RYR2: variants seen among roughly 807,000 people sequenced by gnomAD.
RYR2 encodes cardiac muscle ryanodine receptor-calcium release channel.
In RYR2, 227 loss-of-function variants were observed where a neutral mutation model predicts 601.1. That is an observed-to-expected ratio of 0.38 (90% CI 0.34 to 0.42). The LOEUF is 0.42. RYR2 is among the 10% of genes least tolerant of loss of function. The pLI is 1.00. For missense variants in RYR2, 4,646 were observed against 6,156.5 expected, an observed-to-expected ratio of 0.75 and a Z score of 8.21; for synonymous variants, 2,223 against 2,175.1, an observed-to-expected ratio of 1.02 and a Z score of -0.61.
intron 2 of RYR2, among the ~76,000 whole-genome samples, chr1:237,283,435 C>T (rs1203812039): frequency 6.6e-6 from 1 of 152,158 alleles, no homozygotes. Flanking sequence ...TGGCGTTTCT[C>T]AAATTATGAA....
chr1:237,455,299 A>T (rs544280854), intron 15 of RYR2, among the ~76,000 whole-genome samples: 2 of 152,134 alleles, frequency 1.3e-5, no homozygotes, highest in Non-Finnish European at 2.9e-5. Context: ...TGCATCTTGT[A>T]TGCAGAATAA....
intron 71 of RYR2, among the ~76,000 whole-genome samples, chr1:237,716,701 T>G (rs989212581): frequency 2.6e-5 from 4 of 151,904 alleles, no homozygotes; most frequent in African/African-American, 7.3e-5. Context: ...GAAGACAAGT[T>G]TGCAGACTGT....
chr1:237,368,537 A>G (rs2149749441), intron 5 of RYR2, among the ~76,000 whole-genome samples: 1 of 152,306 alleles, frequency 6.6e-6, no homozygotes, highest in East Asian at 1.9e-4. Flanking sequence ...TCTCTGGACC[A>G]ACGGCATCAG....
At chr1:237,651,065 G>A (rs1264565345) in intron 50 of RYR2, among the ~76,000 whole-genome samples, 1 of 151,938 alleles carries the variant, frequency 6.6e-6, no homozygotes, top group Non-Finnish European at 1.5e-5. Flanking sequence ...ACCATCCATT[G>A]GAATGAGGGA....
chr1:237,750,580 ATAAAACAT>A, intron 80 of RYR2, among the ~76,000 whole-genome samples: 1 of 151,118 alleles, frequency 6.6e-6, no homozygotes. Flanking sequence ...TATGTAATAT[ATAAAACAT>A]TGATATTAGG....
chr1:237,659,582 C>A (rs147680042), intron 54 of RYR2, among the ~76,000 whole-genome samples: 456 of 152,254 alleles, frequency 3.0e-3, no homozygotes, highest in African/African-American at 0.011. Context: ...GGTGGGGTCC[C>A]AAGATGGGTC....
At chr1:237,373,807 G>T (rs1700823606) in intron 6 of RYR2, among the ~76,000 whole-genome samples, 1 of 152,170 alleles carries the variant, frequency 6.6e-6, no homozygotes, top group African/African-American at 2.4e-5. Context: ...GACATGCTGT[G>T]CACCAAAATA....
Position 237,651,461 on chromosome 1 carries a change from A to G in RYR2, c.7784A>G (p.Asp2595Gly), listed in dbSNP as rs2148804103. 2 of 1,592,070 alleles carry G rather than the reference A, an allele frequency of 1.3e-6. No individual in the cohort carries two copies. Among genetic ancestry groups the G allele is most frequent in the Non-Finnish European group, 1.7e-6 (2 of 1,168,138 alleles). ...CACTTACTCAGAAGATTAGTATTTGATGTTCCATTATTAAATGAACACGCA... is the reference window on the plus strand; with the variant it reads ...CACTTACTCAGAAGATTAGTATTTGGTGTTCCATTATTAAATGAACACGCA... ...MQHLLRRLVF[D>G]VPLLNEHAKM... The change falls in exon 51 of 105, where the codon GAT becomes GGT. Residue 2595 changes from aspartate to glycine, a missense_variant. This residue lies in a region of RYR2 where 1,497 missense variants were observed against 1,842.6 expected (regional missense o/e 0.81). Transcript: ENST00000366574.
At chr1:237,768,220 A>G (rs1057011928) in intron 84 of RYR2, among the ~76,000 whole-genome samples, 2 of 152,234 alleles carry the variant, frequency 1.3e-5, no homozygotes, top group African/African-American at 4.8e-5. Flanking sequence ...CAGGAGATAT[A>G]AACACAATTA....
At chr1:237,175,194 A>G (rs1677884313) in intron 1 of RYR2, among the ~76,000 whole-genome samples, 2 of 152,236 alleles carry the variant, frequency 1.3e-5, no homozygotes, top group Admixed American at 6.5e-5. Context: ...TATGTACCAT[A>G]TAACCTCTAC....
At chr1:237,097,129 A>G (rs563045127) in intron 1 of RYR2, among the ~76,000 whole-genome samples, 1 of 152,348 alleles carries the variant, frequency 6.6e-6, no homozygotes, top group South Asian at 2.1e-4. Context: ...CATATATTCC[A>G]ATGAATATGA....
At chr1:237,606,281 G>C (rs1252034881) in intron 35 of RYR2, among the ~76,000 whole-genome samples, 2 of 152,110 alleles carry the variant, frequency 1.3e-5, no homozygotes, top group Non-Finnish European at 2.9e-5. Flanking sequence ...ACAACCATCT[G>C]ATCTTTGACA....
rs370150629 is a variant in RYR2, at chr1:237,765,172, T to G, written c.11476+4144T>G. Among the ~76,000 whole-genome samples the G allele has an allele frequency of 3.4e-4, 52 of 152,310 alleles. 1 individual carries two copies. The highest frequency in any genetic ancestry group is 1.2e-3 in the African/African-American group (50 of 41,586). On this transcript the variant is annotated intron_variant, in intron 84 of 104. Coordinates refer to ENST00000366574, the MANE Select transcript of RYR2 (RefSeq NM_001035.3). ...ATCAAATTCAAAAACAAAACCTGTA[T>G]GAATATTTAAAATGTCATTCCATTC...
At chr1:237,061,421 G>GCTCTTT (rs1171701190) in intron 1 of RYR2, among the ~76,000 whole-genome samples, 5 of 152,096 alleles carry the variant, frequency 3.3e-5, no homozygotes, top group Non-Finnish European at 5.9e-5. Flanking sequence ...GGGCTCAAGG[G>GCTCTTT]CTCTTTCTGC....
At chr1:237,772,941 A>G (rs1694385011) in intron 86 of RYR2, among the ~76,000 whole-genome samples, 1 of 152,190 alleles carries the variant, frequency 6.6e-6, no homozygotes, top group East Asian at 1.9e-4. Flanking sequence ...TATCTTTAAA[A>G]TGTATGTTAT....
chr1:237,521,421 TG>T (rs1271029011), intron 24 of RYR2, among the ~76,000 whole-genome samples: 3 of 152,144 alleles, frequency 2.0e-5, no homozygotes, highest in Non-Finnish European at 2.9e-5. Flanking sequence ...AATCCCTTAA[TG>T]GGGCCAGGCA....
In RYR2 at chr1:237,338,490, G is replaced by A. The variant is rs190792208; in HGVS notation, c.273+7508G>A. On this transcript the variant is annotated intron_variant, in intron 3 of 104. Transcript: ENST00000366574. ...TAATCAAAAATAACTAAAAAAATGA[G>A]GATATATATAAATGCAATTTGTTGA... Among the ~76,000 whole-genome samples the A allele has an allele frequency of 1.2e-4, 18 of 152,170 alleles. No homozygotes were observed. The East Asian group carries it at 2.7e-3, about 23-fold the overall frequency.
chr1:237,327,170 G>A (rs1055135112), intron 2 of RYR2, among the ~76,000 whole-genome samples: 2 of 150,988 alleles, frequency 1.3e-5, no homozygotes, highest in African/African-American at 4.9e-5. Context: ...TTTTTTAACT[G>A]TCTCAGCTTT....
chr1:237,329,030 A>G (rs1188330308), intron 2 of RYR2, among the ~76,000 whole-genome samples: 1 of 152,226 alleles, frequency 6.6e-6, no homozygotes, highest in Non-Finnish European at 1.5e-5. Context: ...GCGAAAGCAT[A>G]CATGATTAAT....
Sources: allele counts gnomAD v4.1 joint callset (sites outside exome capture counted in the v4.1 genomes callset), GRCh38; gene constraint gnomAD v4.1.1; regional missense constraint gnomAD v4.1.1; transcripts MANE v1.5; gene names NCBI Gene and HGNC (gene_info 2026-07-23, HGNC 2026-07-21).